The following ACSM6 variants were observed in gnomAD, a reference collection of about 807,000 sequenced individuals.
ACSM6 encodes acyl-CoA synthetase medium chain family member 6.
Under a neutral mutation model 51.1 loss-of-function variants are expected in ACSM6, and 35 were observed. The ratio of observed to expected loss-of-function variants is 0.69; its 90% CI spans 0.52 to 0.91. ACSM6 has a LOEUF of 0.91. ACSM6 is among the 40% of genes least tolerant of loss of function. ACSM6 has a pLI of 0.00. For missense variants in ACSM6, 509 were observed against 584.1 expected (o/e 0.87, Z 1.32); for synonymous variants, 172 against 207.3 (o/e 0.83, Z 1.46).
chr10:95,198,565 T>G (rs1295617538), intron 2 of ACSM6, among the ~76,000 whole-genome samples: 1 of 151,686 alleles, frequency 6.6e-6, no homozygotes, highest in Non-Finnish European at 1.5e-5. Context: ...GCAGGAGAAT[T>G]GCTTGAACCC....
intron 8 of ACSM6, among the ~76,000 whole-genome samples, chr10:95,218,643 G>A (rs1316154014): frequency 6.6e-6 from 1 of 152,146 alleles, no homozygotes. Context: ...GAAAATTCTT[G>A]GAACAGACTC....
exon 2 of ACSM6, chr10:95,194,626 G>T (rs2034707831): frequency 1.3e-6 from 2 of 1,552,052 alleles, no homozygotes; most frequent in Non-Finnish European, 1.7e-6. Context: ...CAGTTTCTCA[G>T]AACTTTAATT....
At chr10:95,202,175 G>C in exon 3 of ACSM6, 1 of 1,552,204 alleles carries the variant, frequency 6.4e-7, no homozygotes, top group Non-Finnish European at 8.7e-7. Context: ...TACTGGATCT[G>C]CCTGGCCTGT....
chr10:95,216,268 A>G (rs686366), intron 8 of ACSM6, among the ~76,000 whole-genome samples: 106,329 of 151,678 alleles, frequency 0.7, 38,436 homozygotes, highest in Non-Finnish European at 0.78. Flanking sequence ...CCATCATGAG[A>G]GTGCCACCCT....
chr10:95,219,975 G>A lies in ACSM6; in HGVS notation c.1200+4G>A. On this transcript the variant is annotated splice_donor_region_variant and intron_variant, in intron 9 of 10. Coordinates refer to ENST00000341686, the Ensembl canonical transcript of ACSM6. The stretch of plus-strand genomic sequence containing the variant: ...ATTGCCACCTTATATTGTCCAGGTA[G>A]GAGATCATAGTAATGATTATGACAG... The A allele has an allele frequency of 1.3e-6, 2 of 1,593,754 alleles. No homozygotes were observed. The highest frequency in any genetic ancestry group is 1.7e-6 in the Non-Finnish European group (2 of 1,162,334).
chr10:95,213,041 C>T lies in ACSM6; in HGVS notation c.995+101C>T, dbSNP rs896625413. The T allele has an allele frequency of 6.5e-6, 6 of 917,096 alleles. 1 individual carries two copies. Among genetic ancestry groups the T allele is most frequent in the African/African-American group, 1.6e-5 (1 of 61,112 alleles). 56.8% of individuals were successfully genotyped at this position (917,096 alleles called of 1,614,324 possible). A position where few individuals can be genotyped will look rare whatever the true frequency, so the allele number is the denominator to read the frequency against. ...TTGAAGTAGATCCAATCTTACCCTC[C>T]GGTAACACACTTGTCTTGTTGCCAT... On this transcript the variant is annotated intron_variant, in intron 7 of 10. Transcript: ENST00000341686.
intron 3 of ACSM6, among the ~76,000 whole-genome samples, chr10:95,202,938 CA>C (rs35376103): frequency 1.6e-3 from 135 of 85,900 alleles, no homozygotes; most frequent in Middle Eastern, 7.0e-3. Context: ...GGCTCTGTCT[CA>C]AAAAAAAAAA....
In ACSM6 at chr10:95,194,305, T is replaced by C; in HGVS notation, c.-22+2T>C. On this transcript the variant is annotated splice_donor_variant, in intron 1 of 10. Coordinates refer to ENST00000341686, the Ensembl canonical transcript of ACSM6. LOFTEE classifies it low-confidence loss of function (5UTR_SPLICE). The stretch of plus-strand genomic sequence containing the variant: ...CCATAGAAACTCCTCTTGGAATTGG[T>C]AAGTATCTGTGCTCATGGGCTTCTT... The C allele has an allele frequency of 1.8e-6, 1 of 557,014 alleles. No homozygotes were observed. The highest frequency in any genetic ancestry group is 3.3e-5 in the South Asian group (1 of 30,654). The allele number at this position is 557,014 out of a possible 1,614,324, so 34.5% of individuals were successfully genotyped here. A position where few individuals can be genotyped will look rare whatever the true frequency, so the allele number is the denominator to read the frequency against.
intron 5 of ACSM6, 142 bp from the exon 6 acceptor site, chr10:95,211,736 G>T: frequency 1.2e-6 from 1 of 844,272 alleles, no homozygotes; most frequent in Non-Finnish European, 1.8e-6. Flanking sequence ...TTGGCCTCAT[G>T]ACCTCATAAA....
intron 10 of ACSM6, among the ~76,000 whole-genome samples, chr10:95,227,455 A>C (rs962395150): frequency 6.6e-5 from 10 of 152,108 alleles, no homozygotes; most frequent in African/African-American, 2.4e-4. Flanking sequence ...TCTCTCGTGG[A>C]GTTTTTGAGT....
intron 4 of ACSM6, 91 bp downstream of exon 4, chr10:95,207,506 G>A (rs1403550438): frequency 4.5e-6 from 6 of 1,348,214 alleles, no homozygotes; most frequent in Non-Finnish European, 6.3e-6. Context: ...TGAGTGGTCA[G>A]AATGAAAAGC....
chr10:95,211,842 C>A (rs376157414), intron 5 of ACSM6, 36 bp from the exon 6 acceptor site: 8 of 1,556,854 alleles, frequency 5.1e-6, no homozygotes, highest in East Asian at 2.2e-5. Flanking sequence ...AGTACCAGCA[C>A]GAGAGAATTC....
At chr10:95,213,008 T>C in intron 7 of ACSM6, 68 bp downstream of exon 7, 1 of 1,354,474 alleles carries the variant, frequency 7.4e-7, no homozygotes, top group East Asian at 2.3e-5. Flanking sequence ...TTAGGACCCC[T>C]TAATTTGTTG....
chr10:95,222,494 A>G (rs945632704), intron 9 of ACSM6, among the ~76,000 whole-genome samples: 1 of 151,998 alleles, frequency 6.6e-6, no homozygotes, highest in Non-Finnish European at 1.5e-5. Flanking sequence ...ATGGTGGCAT[A>G]TGACTGTAAT....
intron 4 of ACSM6, among the ~76,000 whole-genome samples, chr10:95,209,682 AT>A (rs1185289233): frequency 6.6e-6 from 1 of 152,064 alleles, no homozygotes; most frequent in Non-Finnish European, 1.5e-5. Context: ...TTTTAAAATA[AT>A]TTTTAATTAA....
intron 2 of ACSM6, among the ~76,000 whole-genome samples, chr10:95,195,444 G>T (rs1254424494): frequency 6.6e-6 from 1 of 152,144 alleles, no homozygotes; most frequent in Non-Finnish European, 1.5e-5. Context: ...AGAGGGAAGA[G>T]TATTGAGTTA....
At chr10:95,222,587 C>T (rs1015822286) in intron 9 of ACSM6, among the ~76,000 whole-genome samples, 8 of 150,596 alleles carry the variant, frequency 5.3e-5, no homozygotes, top group Non-Finnish European at 1.0e-4. Context: ...CACACCACTG[C>T]ACTCCAGCCT....
chr10:95,228,447 A>G (rs2035062608), intron 10 of ACSM6, 197 bp from the exon 11 acceptor site: 1 of 522,808 alleles, frequency 1.9e-6, no homozygotes, highest in Admixed American at 3.7e-5. Context: ...CAAAAAAAAA[A>G]AAGCTGAAGT....
intron 3 of ACSM6, among the ~76,000 whole-genome samples, chr10:95,202,577 G>A (rs1353519523): frequency 6.6e-6 from 1 of 152,108 alleles, no homozygotes; most frequent in East Asian, 1.9e-4. Flanking sequence ...ACAACAGACA[G>A]AGCATGCACA....
Sources: allele counts gnomAD v4.1 joint callset (sites outside exome capture counted in the v4.1 genomes callset), GRCh38; gene constraint gnomAD v4.1.1; transcripts MANE v1.5; gene names NCBI Gene and HGNC (gene_info 2026-07-23, HGNC 2026-07-21).